Variants in GRXCR1 observed in about 807,000 individuals in gnomAD.
The protein encoded by GRXCR1 is glutaredoxin and cysteine rich domain containing 1.
Under a neutral mutation model 27.3 loss-of-function variants are expected in GRXCR1, and 27 were observed. The observed-to-expected ratio is 0.99, with a 90% CI of 0.73 to 1.37. GRXCR1 has a LOEUF of 1.37. GRXCR1 is among the 40% of genes most tolerant of loss of function. The probability of loss-of-function intolerance (pLI) is 0.00; values close to 1 mark genes in which losing one functional copy is unlikely to be tolerated. For missense variants in GRXCR1, 379 were observed against 354.4 expected, an observed-to-expected ratio of 1.07 and a Z score of -0.56; for synonymous variants, 122 against 131.1, an observed-to-expected ratio of 0.93 and a Z score of 0.47.
At chr4:43,008,036 T>C (rs938346207) in intron 2 of GRXCR1, among the ~76,000 whole-genome samples, 1 of 152,210 alleles carries the variant, frequency 6.6e-6, no homozygotes, top group Non-Finnish European at 1.5e-5. Context: ...TCCTAGTTTT[T>C]ATTTGCTTAG....
At chr4:43,027,830 C>A (rs1471436379) in intron 3 of GRXCR1, among the ~76,000 whole-genome samples, 1 of 152,102 alleles carries the variant, frequency 6.6e-6, no homozygotes, top group South Asian at 2.1e-4. Flanking sequence ...AATAATTGGT[C>A]CAGGTATGGT....
Position 42,893,541 on chromosome 4 carries a change from T to C in GRXCR1, c.275T>C (p.Phe92Ser). Residue 92 changes from phenylalanine to serine, a missense_variant, in exon 1 of 4, where the codon TTT (phenylalanine) becomes TCT (serine). Phe to Ser is a radical substitution (Grantham distance 155, BLOSUM62 -2). Coordinates refer to ENST00000399770, the MANE Select transcript of GRXCR1 (RefSeq NM_001080476.3). ...GCAAGGGCTGCCAGTGAGAAGGGTT[T>C]TGGTACAAGAAGAGTCAACATTTTA... is the stretch of plus-strand genomic sequence containing the variant. ...VLARAASEKGFGTRRVNILSK... is the reference protein window; with the variant it reads ...VLARAASEKGSGTRRVNILSK... The C allele has an allele frequency of 6.2e-7, 1 of 1,613,828 alleles. No individual in the cohort carries two copies. Among genetic ancestry groups the C allele is most frequent in the Non-Finnish European group, 8.5e-7 (1 of 1,179,842 alleles).
At chr4:42,946,409 A>T (rs1478679716) in intron 1 of GRXCR1, among the ~76,000 whole-genome samples, 2 of 152,174 alleles carry the variant, frequency 1.3e-5, no homozygotes, top group African/African-American at 4.8e-5. Context: ...TCCTAGTGTG[A>T]AAAGTGTATT....
chr4:42,909,979 G>T (rs1485271652), intron 1 of GRXCR1, among the ~76,000 whole-genome samples: 8 of 152,160 alleles, frequency 5.3e-5, no homozygotes, highest in Admixed American at 5.2e-4. Flanking sequence ...TACTCCCCGA[G>T]ACTGGGTAAT....
intron 2 of GRXCR1, among the ~76,000 whole-genome samples, chr4:42,991,477 T>TAC (rs775495006): frequency 2.0e-5 from 3 of 151,560 alleles, no homozygotes; most frequent in Non-Finnish European, 4.4e-5. Context: ...CACATACATA[T>TAC]ATATATATAT....
chr4:42,936,560 A>T (rs1229039703), intron 1 of GRXCR1, among the ~76,000 whole-genome samples: 1 of 151,928 alleles, frequency 6.6e-6, no homozygotes, highest in Non-Finnish European at 1.5e-5. Flanking sequence ...TACATTTGTC[A>T]CAGTTAATGA....
At chr4:42,947,689 C>T (rs530315222) in intron 1 of GRXCR1, among the ~76,000 whole-genome samples, 1 of 152,282 alleles carries the variant, frequency 6.6e-6, no homozygotes, top group East Asian at 1.9e-4. Context: ...ACAAACCAAG[C>T]AGAGTCTGCT....
intron 1 of GRXCR1, among the ~76,000 whole-genome samples, chr4:42,934,680 T>C (rs915838541): frequency 6.6e-6 from 1 of 151,980 alleles, no homozygotes; most frequent in African/African-American, 2.4e-5. Flanking sequence ...CTTTCACTTA[T>C]CTGTTATCCA....
At chr4:42,928,289 A>G (rs943419633) in intron 1 of GRXCR1, among the ~76,000 whole-genome samples, 1 of 151,994 alleles carries the variant, frequency 6.6e-6, no homozygotes, top group Non-Finnish European at 1.5e-5. Flanking sequence ...AACATGTTTT[A>G]GAAGTTGGAA....
Position 43,020,349 on chromosome 4 carries a change from A to T in GRXCR1, c.628-5A>T, listed in dbSNP as rs763075059. On this transcript the variant is annotated splice_region_variant and splice_polypyrimidine_tract_variant and intron_variant, in intron 2 of 3. Transcript: ENST00000399770. Reference sequence around the variant, plus strand: ...ATTTTTCTCCCTACTCTCTCTCGTTAATAGGGTGCTGAGAAAATTTTGTCA... The same window carrying T: ...ATTTTTCTCCCTACTCTCTCTCGTTTATAGGGTGCTGAGAAAATTTTGTCA... 2.5e-6 allele frequency: 4 copies of T among 1,595,450 alleles called. No homozygotes were observed. In the East Asian group the frequency reaches 8.9e-5, roughly 36 times the overall value.
At chr4:42,909,315 T>A (rs1478933948) in intron 1 of GRXCR1, among the ~76,000 whole-genome samples, 1 of 152,154 alleles carries the variant, frequency 6.6e-6, no homozygotes, top group African/African-American at 2.4e-5. Context: ...GGCAGTTTTA[T>A]ATGTCATAAA....
At chr4:42,928,024 C>T (rs1391534319) in intron 1 of GRXCR1, among the ~76,000 whole-genome samples, 1 of 151,894 alleles carries the variant, frequency 6.6e-6, no homozygotes, top group East Asian at 1.9e-4. Flanking sequence ...TTCAGAGGGG[C>T]AAGGAATCTG....
intron 3 of GRXCR1, among the ~76,000 whole-genome samples, chr4:43,029,312 A>T (rs1213598208): frequency 1.3e-5 from 2 of 152,184 alleles, no homozygotes; most frequent in African/African-American, 4.8e-5. Flanking sequence ...TATGTTAAGC[A>T]TGTTTGTCTG....
chr4:42,928,581 A>G (rs982922067), intron 1 of GRXCR1, among the ~76,000 whole-genome samples: 10 of 151,996 alleles, frequency 6.6e-5, no homozygotes, highest in African/African-American at 1.4e-4. Context: ...CAGGAAAACA[A>G]TGTTTGTTAT....
intron 1 of GRXCR1, among the ~76,000 whole-genome samples, chr4:42,928,590 A>G (rs1747225571): frequency 6.6e-6 from 1 of 152,036 alleles, no homozygotes; most frequent in Non-Finnish European, 1.5e-5. Context: ...AATGTTTGTT[A>G]TACTCACAGG....
At chr4:42,989,432 A>G (rs1284785314) in intron 2 of GRXCR1, among the ~76,000 whole-genome samples, 1 of 152,152 alleles carries the variant, frequency 6.6e-6, no homozygotes, top group Non-Finnish European at 1.5e-5. Context: ...ATATAGTTAC[A>G]TTGAGTGTTA....
intron 1 of GRXCR1, among the ~76,000 whole-genome samples, chr4:42,912,090 A>T (rs1746733541): frequency 6.6e-6 from 1 of 152,154 alleles, no homozygotes; most frequent in African/African-American, 2.4e-5. Flanking sequence ...TTGACATTTA[A>T]TGATTGTCAA....
At chr4:43,008,003 T>C (rs1321584524) in intron 2 of GRXCR1, among the ~76,000 whole-genome samples, 13 of 152,200 alleles carry the variant, frequency 8.5e-5, no homozygotes, top group Non-Finnish European at 1.5e-5. Context: ...CTGGTTATAA[T>C]ACATTATTCA....
chr4:42,928,307 C>T (rs1443192508), intron 1 of GRXCR1, among the ~76,000 whole-genome samples: 1 of 151,884 alleles, frequency 6.6e-6, no homozygotes, highest in African/African-American at 2.4e-5. Context: ...GAATTCACTA[C>T]AATAAGTATA....
Sources: gnomAD v4.1 joint callset for allele counts (sites outside exome capture counted in the v4.1 genomes callset) on GRCh38, gnomAD v4.1.1 for gene constraint, MANE v1.5 for transcripts, NCBI Gene and HGNC (gene_info 2026-07-23, HGNC 2026-07-21) for gene names.